Variants in SLC10A7 observed in about 807,000 individuals in gnomAD.
The protein encoded by SLC10A7 is sodium/bile acid cotransporter 7.
In SLC10A7, 29 loss-of-function variants were observed where a neutral mutation model predicts 43.2. The observed-to-expected ratio is 0.67, with a 90% CI of 0.50 to 0.92. The LOEUF (loss-of-function observed/expected upper bound fraction) is 0.92. Among genes scored for constraint, SLC10A7 ranks in the 40% least tolerant of loss-of-function variants. SLC10A7 has a pLI of 0.00. For missense variants in SLC10A7, 295 were observed against 403.2 expected, an observed-to-expected ratio of 0.73 and a Z score of 2.30; for synonymous variants, 152 against 144.8, an observed-to-expected ratio of 1.05 and a Z score of -0.35.
At chr4:146,331,710 A>G (rs1733548990) in intron 5 of SLC10A7, among the ~76,000 whole-genome samples, 1 of 152,196 alleles carries the variant, frequency 6.6e-6, no homozygotes, top group East Asian at 1.9e-4. Flanking sequence ...TAATGGAAAT[A>G]TCATTTTAAA....
At chr4:146,287,860 CT>C (rs1014345900) in intron 9 of SLC10A7, among the ~76,000 whole-genome samples, 3 of 152,126 alleles carry the variant, frequency 2.0e-5, no homozygotes, top group African/African-American at 7.2e-5. Flanking sequence ...CTTTAGTAAA[CT>C]GTGTTCGGCT....
intron 6 of SLC10A7, among the ~76,000 whole-genome samples, chr4:146,319,087 C>T (rs922693642): frequency 2.0e-5 from 3 of 152,040 alleles, no homozygotes; most frequent in African/African-American, 7.2e-5. Context: ...ACATGCATTC[C>T]TTTTATCAAA....
At chr4:146,427,466 A>C (rs1486869107) in intron 5 of SLC10A7, among the ~76,000 whole-genome samples, 1 of 152,196 alleles carries the variant, frequency 6.6e-6, no homozygotes, top group Non-Finnish European at 1.5e-5. Flanking sequence ...TTTGACTTCA[A>C]CAGTTGTTTG....
chr4:146,444,987 T>C (rs927054270), intron 4 of SLC10A7, among the ~76,000 whole-genome samples: 2 of 152,164 alleles, frequency 1.3e-5, no homozygotes, highest in Non-Finnish European at 2.9e-5. Context: ...GAGTATTTTA[T>C]TGATATATAA....
At chr4:146,269,522 C>T (rs1029026505) in intron 10 of SLC10A7, among the ~76,000 whole-genome samples, 8 of 152,218 alleles carry the variant, frequency 5.3e-5, no homozygotes, top group African/African-American at 1.9e-4. Flanking sequence ...CTAATGTTCA[C>T]ACTCACAGGA....
At chr4:146,412,540 A>G (rs892518362) in intron 5 of SLC10A7, among the ~76,000 whole-genome samples, 3 of 152,112 alleles carry the variant, frequency 2.0e-5, no homozygotes, top group African/African-American at 7.2e-5. Flanking sequence ...AATTTTATGT[A>G]TATCAACATA....
At chr4:146,468,344 T>C (rs1021793850) in intron 4 of SLC10A7, among the ~76,000 whole-genome samples, 1 of 152,076 alleles carries the variant, frequency 6.6e-6, no homozygotes, top group Non-Finnish European at 1.5e-5. Flanking sequence ...AACAGAGATA[T>C]AAAGCTTCTG....
chr4:146,504,623 C>T (rs533665995), intron 3 of SLC10A7, among the ~76,000 whole-genome samples: 3 of 151,876 alleles, frequency 2.0e-5, no homozygotes, highest in Non-Finnish European at 2.9e-5. Context: ...ATTTTCCCTA[C>T]ATTTTGTTTG....
At chr4:146,306,576 C>T (rs1213746236) in intron 6 of SLC10A7, among the ~76,000 whole-genome samples, 3 of 152,060 alleles carry the variant, frequency 2.0e-5, no homozygotes, top group Admixed American at 6.6e-5. Flanking sequence ...TAAATTTGTA[C>T]GCTTTAACAC....
chr4:146,283,140 G>A (rs1729655343), intron 10 of SLC10A7, 52 bp downstream of exon 10: 1 of 1,346,810 alleles, frequency 7.4e-7, no homozygotes, highest in African/African-American at 1.4e-5. Flanking sequence ...AAAGTCATAA[G>A]ATGTAACTAT....
intron 5 of SLC10A7, chr4:146,442,260 C>A: frequency 1.1e-6 from 1 of 930,322 alleles, no homozygotes; most frequent in African/African-American, 1.8e-5. Flanking sequence ...TATATAGATA[C>A]AACATTTACT....
At chr4:146,375,603 C>T (rs940541327) in intron 5 of SLC10A7, among the ~76,000 whole-genome samples, 3 of 152,138 alleles carry the variant, frequency 2.0e-5, no homozygotes, top group Non-Finnish European at 4.4e-5. Context: ...AACTTATCTC[C>T]TTTTAACAAG....
At chr4:146,327,380 A>G (rs889886678) in intron 5 of SLC10A7, among the ~76,000 whole-genome samples, 1 of 152,206 alleles carries the variant, frequency 6.6e-6, no homozygotes, top group Non-Finnish European at 1.5e-5. Flanking sequence ...GGTATCTATG[A>G]AACAGGTTCT....
chr4:146,264,234 A>T (rs1037451423), intron 10 of SLC10A7, among the ~76,000 whole-genome samples: 6 of 152,240 alleles, frequency 3.9e-5, no homozygotes, highest in Non-Finnish European at 8.8e-5. Context: ...TCTCTGAATT[A>T]AAAAATTCCC....
At chr4:146,284,114 G>A (rs922028005) in intron 9 of SLC10A7, among the ~76,000 whole-genome samples, 12 of 152,060 alleles carry the variant, frequency 7.9e-5, no homozygotes, top group African/African-American at 2.7e-4. Flanking sequence ...AAATGTCATT[G>A]TTATGATTGT....
At chr4:146,441,708 C>T in intron 5 of SLC10A7, 1 of 985,268 alleles carries the variant, frequency 1.0e-6, no homozygotes, top group Non-Finnish European at 1.2e-6. Context: ...AGAAGTAATA[C>T]AGCATCACAA....
At chr4:146,505,580 A>G (rs1357200043) in intron 3 of SLC10A7, among the ~76,000 whole-genome samples, 1 of 152,212 alleles carries the variant, frequency 6.6e-6, no homozygotes, top group Non-Finnish European at 1.5e-5. Context: ...TCTAAACTTT[A>G]TGCAATGGAT....
At chr4:146,270,200 T>C (rs991792041) in intron 10 of SLC10A7, among the ~76,000 whole-genome samples, 2 of 152,188 alleles carry the variant, frequency 1.3e-5, no homozygotes, top group African/African-American at 4.8e-5. Context: ...TCAACAATTA[T>C]AAACATTTGG....
At chr4:146,483,354 G>A (rs1734646342) in intron 4 of SLC10A7, among the ~76,000 whole-genome samples, 1 of 152,054 alleles carries the variant, frequency 6.6e-6, no homozygotes. Context: ...TAAGGTAAAT[G>A]GCTAAAGTTC....
Sources: gnomAD v4.1 joint callset for allele counts (sites outside exome capture counted in the v4.1 genomes callset) on GRCh38, gnomAD v4.1.1 for gene constraint, MANE v1.5 for transcripts, NCBI Gene and HGNC (gene_info 2026-07-23, HGNC 2026-07-21) for gene names.